The following DOK6 variants were observed in gnomAD, a reference collection of about 807,000 sequenced individuals.
DOK6 encodes downstream of tyrosine kinase 6.
A neutral mutation model predicts 44.0 loss-of-function variants in DOK6; 22 were observed. The ratio of observed to expected loss-of-function variants is 0.50; its 90% CI spans 0.36 to 0.71. The LOEUF (loss-of-function observed/expected upper bound fraction) is 0.71. Ranked by LOEUF, DOK6 falls within the 30% of genes least tolerant of loss-of-function variation. The probability of loss-of-function intolerance (pLI) is 0.00; values close to 1 mark genes in which losing one functional copy is unlikely to be tolerated. For synonymous variants in DOK6, 166 were observed against 145.5 expected, an observed-to-expected ratio of 1.14 and a Z score of -1.01; for missense variants, 340 against 416.4, an observed-to-expected ratio of 0.82 and a Z score of 1.60.
Position 69,677,872 on chromosome 18 carries a change from T to C in DOK6, c.409+19T>C. On this transcript the variant is annotated intron_variant, in intron 4 of 7. Transcript: ENST00000382713. ...CAGAATGGTAGGTGTGAGATTGCCTTCCATCACTTCAGAATACCCTTGTAA... is the reference window on the plus strand; with the variant it reads ...CAGAATGGTAGGTGTGAGATTGCCTCCCATCACTTCAGAATACCCTTGTAA... 1.2e-6 allele frequency: 2 copies of C among 1,610,886 alleles called. No individual in the cohort carries two copies. Among genetic ancestry groups the C allele is most frequent in the Non-Finnish European group, 1.7e-6 (2 of 1,178,206 alleles).
rs140956187 is a variant in DOK6 at position 69,410,048 on chromosome 18, G to C, written c.66+8738G>C. Reference sequence around the variant, plus strand: ...AGTCTCCTAAACCAAAGTACACCTAGTACCAAGTCATGATACTGAATTTAC... The same window carrying C: ...AGTCTCCTAAACCAAAGTACACCTACTACCAAGTCATGATACTGAATTTAC... On this transcript the variant is annotated intron_variant, in intron 1 of 7. Transcript: ENST00000382713. Among the ~76,000 whole-genome samples, 3 of 152,236 alleles carry C rather than the reference G, an allele frequency of 2.0e-5. No individual in the cohort carries two copies. The East Asian group carries it at 5.8e-4, about 29-fold the overall frequency.
At position 69,847,477 on chromosome 18, in the gene DOK6, A is replaced by G. The variant is rs531874802; in HGVS notation, c.*6094A>G. ...TCAGATGTCCGAAATTCAGAAACCCAAAGTCAGGCAAAGAAGGAAACTGAG... is the reference window on the plus strand; with the variant it reads ...TCAGATGTCCGAAATTCAGAAACCCGAAGTCAGGCAAAGAAGGAAACTGAG... On this transcript the variant is annotated 3_prime_UTR_variant, in exon 8 of 8. Transcript: ENST00000382713. 2 of 152,202 alleles carry G rather than the reference A, an allele frequency of 1.3e-5. No individual in the cohort carries two copies. Among genetic ancestry groups the G allele is most frequent in the Non-Finnish European group, 2.9e-5 (2 of 68,036 alleles). The allele number at this position is 152,202 out of a possible 1,614,324, so 9.4% of individuals were successfully genotyped here. A position where few individuals can be genotyped will look rare whatever the true frequency, so the allele number is the denominator to read the frequency against.
chr18:69,796,261 T>TACAA (rs1407196404), intron 7 of DOK6, among the ~76,000 whole-genome samples: 1 of 152,282 alleles, frequency 6.6e-6, no homozygotes, highest in East Asian at 1.9e-4. Context: ...GATCCACATT[T>TACAA]ACAAACAATT....
intron 1 of DOK6, among the ~76,000 whole-genome samples, chr18:69,429,468 A>G (rs1426809758): frequency 6.6e-6 from 1 of 151,652 alleles, no homozygotes; most frequent in Non-Finnish European, 1.5e-5. Context: ...TCAAAAATAT[A>G]TTGGAAATAG....
At chr18:69,686,368 A>T (rs1986153407) in intron 4 of DOK6, among the ~76,000 whole-genome samples, 1 of 152,218 alleles carries the variant, frequency 6.6e-6, no homozygotes, top group Admixed American at 6.5e-5. Flanking sequence ...CAGTTGCTCT[A>T]CAGTTTTGGG....
At chr18:69,813,530 A>T (rs1487162485) in intron 7 of DOK6, among the ~76,000 whole-genome samples, 1 of 152,174 alleles carries the variant, frequency 6.6e-6, no homozygotes, top group Admixed American at 6.6e-5. Flanking sequence ...TAAATAAATT[A>T]GGAGAAAAGG....
intron 1 of DOK6, chr18:69,469,760 G>C: frequency 4.1e-6 from 1 of 246,020 alleles, no homozygotes; most frequent in Non-Finnish European, 8.4e-6. Flanking sequence ...GGACGCCATC[G>C]GCGAGGTTGG....
At chr18:69,442,423 A>T (rs751571006) in intron 1 of DOK6, among the ~76,000 whole-genome samples, 2 of 152,138 alleles carry the variant, frequency 1.3e-5, no homozygotes, top group Non-Finnish European at 2.9e-5. Context: ...CCTTCTTCAC[A>T]TGGCAGCAGG....
intron 3 of DOK6, among the ~76,000 whole-genome samples, chr18:69,600,180 C>A (rs371796513): frequency 6.8e-6 from 1 of 147,206 alleles, no homozygotes; most frequent in Non-Finnish European, 1.5e-5. Context: ...AAGATGTGAA[C>A]TTAAACTAAT....
chr18:69,724,384 T>G (rs2144726127), intron 5 of DOK6, among the ~76,000 whole-genome samples: 1 of 152,320 alleles, frequency 6.6e-6, no homozygotes, highest in South Asian at 2.1e-4. Context: ...AAATGAACAT[T>G]TCATGGAGCT....
chr18:69,426,184 T>C (rs906299991), intron 1 of DOK6, among the ~76,000 whole-genome samples: 7 of 152,142 alleles, frequency 4.6e-5, no homozygotes. Context: ...GTGTAGGTAA[T>C]ATATGGGCTT....
At chr18:69,509,657 A>C (rs1220436213) in intron 1 of DOK6, among the ~76,000 whole-genome samples, 4 of 118,492 alleles carry the variant, frequency 3.4e-5, no homozygotes, top group South Asian at 5.5e-4. Flanking sequence ...AAAAAAAAAA[A>C]AAAAAACACA....
At chr18:69,480,208 C>CT (rs1980379444) in intron 1 of DOK6, among the ~76,000 whole-genome samples, 1 of 151,652 alleles carries the variant, frequency 6.6e-6, no homozygotes, top group Non-Finnish European at 1.5e-5. Flanking sequence ...TTTATGGACT[C>CT]TATCATTTTA....
intron 4 of DOK6, among the ~76,000 whole-genome samples, chr18:69,695,257 A>G (rs1986364417): frequency 6.6e-6 from 1 of 152,208 alleles, no homozygotes; most frequent in Non-Finnish European, 1.5e-5. Flanking sequence ...GCCCAGCCCT[A>G]TTGTACCAGA....
At chr18:69,699,472 G>A (rs1236965379) in intron 5 of DOK6, among the ~76,000 whole-genome samples, 2 of 151,722 alleles carry the variant, frequency 1.3e-5, no homozygotes, top group African/African-American at 4.8e-5. Flanking sequence ...ATTTTAAGGA[G>A]GGAAAAAACA....
chr18:69,610,153 TAA>T (rs1164820756), intron 3 of DOK6, among the ~76,000 whole-genome samples: 1 of 152,210 alleles, frequency 6.6e-6, no homozygotes, highest in Non-Finnish European at 1.5e-5. Context: ...GAGCTCATGT[TAA>T]GTGTTCTTAT....
At chr18:69,590,459 A>T (rs1216258334) in intron 2 of DOK6, among the ~76,000 whole-genome samples, 2 of 152,248 alleles carry the variant, frequency 1.3e-5, no homozygotes, top group East Asian at 1.9e-4. Context: ...ATTTTGTGAA[A>T]ACCTTCCTAA....
intron 2 of DOK6, among the ~76,000 whole-genome samples, chr18:69,583,894 G>T (rs1250485673): frequency 6.6e-6 from 1 of 152,124 alleles, no homozygotes; most frequent in Non-Finnish European, 1.5e-5. Flanking sequence ...GGATCATGAA[G>T]TCAGGAGATC....
chr18:69,646,457 T>C (rs1355745454), intron 3 of DOK6, among the ~76,000 whole-genome samples: 1 of 152,178 alleles, frequency 6.6e-6, no homozygotes, highest in Non-Finnish European at 1.5e-5. Flanking sequence ...ATGTATTCTC[T>C]TTTTAAAATT....
Sources: allele counts gnomAD v4.1 joint callset (sites outside exome capture counted in the v4.1 genomes callset), GRCh38; gene constraint gnomAD v4.1.1; transcripts MANE v1.5; gene names NCBI Gene and HGNC (gene_info 2026-07-23, HGNC 2026-07-21).